Variants in IGF2BP3 observed in about 807,000 individuals in gnomAD.
The protein encoded by IGF2BP3 is insulin like growth factor 2 mRNA binding protein 3, also known as insulin-like growth factor 2 mRNA-binding protein 3.
IGF2BP3 carries 9 observed loss-of-function variants against 73.8 expected under a neutral mutation model. The ratio of observed to expected loss-of-function variants is 0.12; its 90% CI spans 0.07 to 0.21. The LOEUF is 0.21. IGF2BP3 is among the 10% of genes least tolerant of loss of function. The pLI, the probability that IGF2BP3 is intolerant of heterozygous loss-of-function variation, is 1.00. For synonymous variants in IGF2BP3, 258 were observed against 256.7 expected, an observed-to-expected ratio of 1.01 and a Z score of -0.05; for missense variants, 542 against 714.0, an observed-to-expected ratio of 0.76 and a Z score of 2.75.
chr7:23,447,903 T>G (rs1322560118), intron 2 of IGF2BP3, among the ~76,000 whole-genome samples: 1 of 152,012 alleles, frequency 6.6e-6, no homozygotes, highest in Non-Finnish European at 1.5e-5. Context: ...ATCCCTTGAG[T>G]CCAGGAGTTC....
intron 2 of IGF2BP3, among the ~76,000 whole-genome samples, chr7:23,459,062 G>C (rs999597970): frequency 2.6e-5 from 4 of 152,126 alleles, no homozygotes; most frequent in Non-Finnish European, 5.9e-5. Flanking sequence ...CATCTACTGT[G>C]CTATCTCATT....
chr7:23,368,669 G>A (rs148134591), intron 3 of IGF2BP3, among the ~76,000 whole-genome samples: 8,224 of 152,124 alleles, frequency 0.054, 738 homozygotes, highest in African/African-American at 0.19. Context: ...AGGCCAAAGC[G>A]GGCGGATCAC....
intron 3 of IGF2BP3, among the ~76,000 whole-genome samples, chr7:23,406,184 G>A (rs139178065): frequency 2.0e-5 from 3 of 152,222 alleles, no homozygotes; most frequent in Non-Finnish European, 2.9e-5. Context: ...AGTTCCAAGG[G>A]GATGGATTGA....
intron 3 of IGF2BP3, among the ~76,000 whole-genome samples, chr7:23,401,403 TGTC>T (rs1277442337): frequency 6.6e-6 from 1 of 152,166 alleles, no homozygotes; most frequent in Non-Finnish European, 1.5e-5. Context: ...TATTAGGAAT[TGTC>T]TTCCATCATT....
At chr7:23,397,655 C>A (rs1326848075) in intron 3 of IGF2BP3, among the ~76,000 whole-genome samples, 1 of 152,184 alleles carries the variant, frequency 6.6e-6, no homozygotes, top group African/African-American at 2.4e-5. Flanking sequence ...GCATAGAAAT[C>A]CCTCTAGGTA....
intron 10 of IGF2BP3, among the ~76,000 whole-genome samples, chr7:23,337,696 A>T (rs1348224088): frequency 6.6e-6 from 1 of 152,074 alleles, no homozygotes; most frequent in Admixed American, 6.6e-5. Context: ...GCCAATTTTG[A>T]TCCTTTATCC....
intron 3 of IGF2BP3, among the ~76,000 whole-genome samples, chr7:23,389,964 A>C (rs1786220150): frequency 6.6e-6 from 1 of 152,202 alleles, no homozygotes; most frequent in Non-Finnish European, 1.5e-5. Flanking sequence ...CAACAGAGTG[A>C]GACCCTGTCT....
At chr7:23,316,423 T>G (rs1386359321) in intron 12 of IGF2BP3, among the ~76,000 whole-genome samples, 1 of 152,184 alleles carries the variant, frequency 6.6e-6, no homozygotes, top group African/African-American at 2.4e-5. Context: ...GGCTGATGCC[T>G]GTAATCCCAG....
intron 2 of IGF2BP3, among the ~76,000 whole-genome samples, chr7:23,432,740 A>G (rs1191367110): frequency 6.6e-6 from 1 of 151,736 alleles, no homozygotes; most frequent in Non-Finnish European, 1.5e-5. Flanking sequence ...TCCGAGGTTC[A>G]TGAGATCCTC....
chr7:23,456,732 T>C (rs753156641), intron 2 of IGF2BP3, among the ~76,000 whole-genome samples: 3 of 116,034 alleles, frequency 2.6e-5, no homozygotes, highest in Non-Finnish European at 5.9e-5. Context: ...GTCAAACTTA[T>C]AACTAATTAT....
rs539155953 is a variant in IGF2BP3 at position 23,330,288 on chromosome 7, AAAAAT to A, written c.1204-11039_1204-11035del. On this transcript the variant is annotated intron_variant, in intron 10 of 14. Coordinates refer to ENST00000258729, the MANE Select transcript of IGF2BP3 (RefSeq NM_006547.3). ...GTGACAGTACAAGACTCTGTCTCAA[AAAAAT>A]AAAATAAAATAATGTATAATATTTA... Among the ~76,000 whole-genome samples the A allele has an allele frequency of 9.1e-4, 137 of 150,714 alleles. 3 individuals are homozygous for A. Among genetic ancestry groups the A allele is most frequent in the East Asian group, 8.7e-3 (45 of 5,168 alleles).
chr7:23,449,474 G>A (rs969621153), intron 2 of IGF2BP3, among the ~76,000 whole-genome samples: 7 of 151,238 alleles, frequency 4.6e-5, no homozygotes, highest in East Asian at 2.0e-4. Context: ...CCGAGATAGC[G>A]CCACTGCACT....
At chr7:23,404,033 G>T (rs1786751045) in intron 3 of IGF2BP3, among the ~76,000 whole-genome samples, 1 of 151,772 alleles carries the variant, frequency 6.6e-6, no homozygotes, top group South Asian at 2.1e-4. Context: ...TAGCTACTCA[G>T]GAGGCCAAGG....
intron 2 of IGF2BP3, among the ~76,000 whole-genome samples, chr7:23,439,346 A>C (rs939099305): frequency 4.7e-4 from 71 of 151,814 alleles, no homozygotes; most frequent in African/African-American, 1.7e-3. Context: ...AAGTCAGGAG[A>C]TCTCAAGACC....
At chr7:23,428,086 G>A (rs1460930481) in intron 2 of IGF2BP3, among the ~76,000 whole-genome samples, 1 of 152,160 alleles carries the variant, frequency 6.6e-6, no homozygotes, top group African/African-American at 2.4e-5. Context: ...TGAAGCAGGA[G>A]GATCACTTGA....
At chr7:23,368,365 A>AAGAAAG (rs1785447405) in intron 3 of IGF2BP3, among the ~76,000 whole-genome samples, 1 of 151,818 alleles carries the variant, frequency 6.6e-6, no homozygotes, top group Non-Finnish European at 1.5e-5. Context: ...GAAAGAAAGA[A>AAGAAAG]AGAAAGAAAG....
chr7:23,408,893 T>A (rs1395779183), intron 3 of IGF2BP3, among the ~76,000 whole-genome samples: 7 of 152,162 alleles, frequency 4.6e-5, no homozygotes, highest in Admixed American at 4.6e-4. Flanking sequence ...TTCTGACACA[T>A]ACTACGACAG....
chr7:23,346,493 T>A (rs1041127475), intron 7 of IGF2BP3, among the ~76,000 whole-genome samples: 1 of 152,082 alleles, frequency 6.6e-6, no homozygotes, highest in Admixed American at 6.6e-5. Flanking sequence ...GAAGGGGAGC[T>A]TTCACTTTTC....
At chr7:23,461,114 TC>T (rs566510422) in intron 2 of IGF2BP3, among the ~76,000 whole-genome samples, 130 of 152,218 alleles carry the variant, frequency 8.5e-4, no homozygotes, top group African/African-American at 3.1e-3. Context: ...CACTTATTCA[TC>T]CATCTACATC....
Sources: allele counts gnomAD v4.1 joint callset (sites outside exome capture counted in the v4.1 genomes callset), GRCh38; gene constraint gnomAD v4.1.1; transcripts MANE v1.5; gene names NCBI Gene and HGNC (gene_info 2026-07-23, HGNC 2026-07-21).